Variants in ZNF75A observed in about 807,000 individuals in gnomAD.
ZNF75A encodes the protein zinc finger protein 75A.
ZNF75A carries 36 observed loss-of-function variants against 46.3 expected under a neutral mutation model. The ratio of observed to expected loss-of-function variants is 0.78; its 90% CI spans 0.60 to 1.03. The LOEUF is 1.03. Among genes scored for constraint, ZNF75A ranks in the 50% least tolerant of loss-of-function variants. The pLI is 0.00. For missense variants in ZNF75A, 595 were observed against 551.3 expected (o/e 1.08, Z -0.79); for synonymous variants, 234 against 189.9 (o/e 1.23, Z -1.91).
downstream of ZNF75A, among the ~76,000 whole-genome samples, chr16:3,320,114 C>T (rs1046099278): frequency 5.3e-5 from 8 of 151,796 alleles, no homozygotes; most frequent in South Asian, 4.1e-4. Flanking sequence ...GGCGCAATGT[C>T]AGCTCACTGC....
chr16:3,315,135 A>C, intron 5 of ZNF75A: 48 of 951,370 alleles, frequency 5.0e-5, no homozygotes, highest in Non-Finnish European at 5.4e-5. Context: ...TTCCCATCTC[A>C]GTAAGGGGCA....
chr16:3,315,004 T>C (rs535096453), intron 5 of ZNF75A: 29 of 984,718 alleles, frequency 2.9e-5, no homozygotes, highest in Non-Finnish European at 3.5e-5. Flanking sequence ...TAGCGGAGGG[T>C]GTAGGTGGTG....
downstream of ZNF75A, among the ~76,000 whole-genome samples, chr16:3,321,421 A>T (rs932278706): frequency 6.6e-6 from 1 of 152,138 alleles, no homozygotes; most frequent in Non-Finnish European, 1.5e-5. Flanking sequence ...CAGTGCTGGG[A>T]CCATCCCAGA....
At chr16:3,320,649 C>T (rs1961492182), downstream of ZNF75A, among the ~76,000 whole-genome samples, 1 of 152,176 alleles carries the variant, frequency 6.6e-6, no homozygotes, top group South Asian at 2.1e-4. Context: ...TTCTTTGTCT[C>T]CCTGCGCGTT....
chr16:3,314,868 T>A (rs1961081669), intron 5 of ZNF75A: 2 of 985,304 alleles, frequency 2.0e-6, no homozygotes, highest in Non-Finnish European at 2.4e-6. Flanking sequence ...CTGTCATTTG[T>A]CTAGGTAAAG....
chr16:3,314,009 C>T (rs1961005740), intron 5 of ZNF75A, among the ~76,000 whole-genome samples: 1 of 152,110 alleles, frequency 6.6e-6, no homozygotes, highest in African/African-American at 2.4e-5. Context: ...AAATTGAGTA[C>T]ATCTAAGTTT....
intron 5 of ZNF75A, among the ~76,000 whole-genome samples, chr16:3,315,656 A>G (rs1185952973): frequency 1.3e-5 from 2 of 152,178 alleles, no homozygotes; most frequent in African/African-American, 2.4e-5. Context: ...AAGCAGATCA[A>G]TGTCAGTAGC....
intron 1 of ZNF75A, chr16:3,306,866 G>C (rs113529785): frequency 1.3e-5 from 2 of 151,990 alleles, no homozygotes; most frequent in African/African-American, 4.8e-5. Context: ...CACTGTATCT[G>C]GGTTTCACTT....
At chr16:3,314,651 A>C in intron 5 of ZNF75A, 1 of 984,624 alleles carries the variant, frequency 1.0e-6, no homozygotes, top group South Asian at 4.7e-5. Flanking sequence ...GTATTCTGTT[A>C]ATTTCTTTAG....
rs767358152 is a variant in ZNF75A at position 3,318,237 on chromosome 16, C to T, written c.*368C>T. The T allele has an allele frequency of 3.7e-5, 37 of 1,002,068 alleles. No homozygotes were observed. The highest frequency in any genetic ancestry group is 4.0e-5 in the Non-Finnish European group (34 of 841,354). The allele number at this position is 1,002,068 out of a possible 1,614,324, so 62.1% of individuals were successfully genotyped here. ...AGTCTCATGAGGCCGAAATGAATTA[C>T]AATGTAAAGTGTTCCAGGAACCAAA... On this transcript the variant is annotated 3_prime_UTR_variant, in exon 7 of 7. Coordinates refer to ENST00000669516, the MANE Select transcript of ZNF75A (RefSeq NM_001302109.2).
chr16:3,318,441 G>A lies in ZNF75A; in HGVS notation c.*572G>A. 1 of 985,548 alleles carries A rather than the reference G, an allele frequency of 1.0e-6. No homozygotes were observed. Among genetic ancestry groups the A allele is most frequent in the Non-Finnish European group, 1.2e-6 (1 of 830,096 alleles). The allele number at this position is 985,548 out of a possible 1,614,324, so 61.1% of individuals were successfully genotyped here. A position where few individuals can be genotyped will look rare whatever the true frequency, so the allele number is the denominator to read the frequency against. The stretch of plus-strand genomic sequence containing the variant: ...ATGAACTATTAATGCACTGTCTTAT[G>A]CCTCTCATTGGTGATGTTTGGAAAA... On this transcript the variant is annotated 3_prime_UTR_variant, in exon 7 of 7. Transcript: ENST00000669516.
rs534825631 is a variant in ZNF75A at position 3,318,767 on chromosome 16, A to G, written c.*898A>G. ...GAGTTGGAGTGTGTGTGCTGCAGGC[A>G]GGATCCTGTGGCTCATTTGGCATGG... On this transcript the variant is annotated 3_prime_UTR_variant, in exon 7 of 7. Transcript: ENST00000669516. 5 of 985,500 alleles carry G rather than the reference A, an allele frequency of 5.1e-6. No individual in the cohort carries two copies. In the East Asian group the frequency reaches 5.7e-4, roughly 112 times the overall value. 61.0% of individuals were successfully genotyped at this position (985,500 alleles called of 1,614,324 possible).
At chr16:3,319,002 T>C, downstream of ZNF75A, 1 of 272,800 alleles carries the variant, frequency 3.7e-6, no homozygotes, top group Non-Finnish European at 5.6e-6. Context: ...GTATAGCCTA[T>C]GGATTTTCTT....
chr16:3,315,240 G>C, intron 5 of ZNF75A: 1 of 263,402 alleles, frequency 3.8e-6, no homozygotes, highest in Non-Finnish European at 5.7e-6. Flanking sequence ...CGCCCAGGCT[G>C]GAGTGCAGTG....
chr16:3,310,536 G>T (rs1960680664), intron 2 of ZNF75A: 1 of 333,950 alleles, frequency 3.0e-6, no homozygotes, highest in South Asian at 1.2e-4. Context: ...GAGGTGGGAG[G>T]ATCACCTGAG....
chr16:3,307,973 C>T (rs1238686737), intron 1 of ZNF75A: 1 of 152,144 alleles, frequency 6.6e-6, no homozygotes, highest in Admixed American at 6.5e-5. Flanking sequence ...TTATTTTCTC[C>T]TATTCTTTTC....
intron 4 of ZNF75A, 109 bp from the exon 5 acceptor site, chr16:3,312,936 TAAAA>T: frequency 7.2e-7 from 1 of 1,393,906 alleles, no homozygotes; most frequent in South Asian, 1.5e-5. Context: ...CCTTCTCACT[TAAAA>T]AAATCATGTT....
rs1470649155 is a variant in ZNF75A at position 3,317,368 on chromosome 16, A to G, written c.1113A>G (p.Pro371=). Reference sequence around the variant, plus strand: ...TGGGAAAATGGCACCAAGATTTTCCAGTGAAGAAAAGAAAGAAACTTTCAA... The same window carrying G: ...TGGGAAAATGGCACCAAGATTTTCCGGTGAAGAAAAGAAAGAAACTTTCAA... ...HRVGKWHQDF[P]VKKRKKLSTW... is the part of the protein sequence containing the mutation. The change falls in exon 7 of 7, where the codon CCA becomes CCG. Residue 371 remains proline (P), a synonymous_variant. Coordinates refer to ENST00000669516, the MANE Select transcript of ZNF75A (RefSeq NM_001302109.2). 1 of 1,614,174 alleles carries G rather than the reference A, an allele frequency of 6.2e-7. No homozygotes were observed.
At chr16:3,310,674 A>G in intron 2 of ZNF75A, 8 of 985,686 alleles carry the variant, frequency 8.1e-6, no homozygotes, top group Non-Finnish European at 9.6e-6. Context: ...AGACTGCACA[A>G]GAAAAGAAAA....
Sources: gnomAD v4.1 joint callset for allele counts (sites outside exome capture counted in the v4.1 genomes callset) on GRCh38, gnomAD v4.1.1 for gene constraint, MANE v1.5 for transcripts, NCBI Gene and HGNC (gene_info 2026-07-23, HGNC 2026-07-21) for gene names.